LOC128462377: variants seen among roughly 807,000 people sequenced by gnomAD.
At chr16:89,362,015 T>C in the LOC128462377 span, among the ~76,000 whole-genome samples, 3 of 152,186 alleles carry the variant, frequency 2.0e-5, no homozygotes, top group African/African-American at 4.8e-5. Flanking sequence ...CCTGAATTTA[T>C]GGGAGGGGGC....
chr16:89,386,363 G>A, the LOC128462377 span, among the ~76,000 whole-genome samples: 76,715 of 151,648 alleles, frequency 0.51, 19,962 homozygotes, highest in Middle Eastern at 0.71. Context: ...AACGTTACTC[G>A]TGTGTCCAGG....
the LOC128462377 span, among the ~76,000 whole-genome samples, chr16:89,337,477 C>T: frequency 7.9e-6 from 1 of 126,690 alleles, no homozygotes; most frequent in Non-Finnish European, 1.6e-5. Flanking sequence ...CCCTCTGTCG[C>T]CCAGGCTGGA....
chr16:89,334,793 C>G, the LOC128462377 span, among the ~76,000 whole-genome samples: 2 of 152,162 alleles, frequency 1.3e-5, no homozygotes, highest in African/African-American at 4.8e-5. Context: ...ACGTGTCCAC[C>G]AGCAGAAGAG....
At chr16:89,380,288 T>C in the LOC128462377 span, among the ~76,000 whole-genome samples, 1 of 152,136 alleles carries the variant, frequency 6.6e-6, no homozygotes, top group Non-Finnish European at 1.5e-5. Context: ...AATTCTGTAT[T>C]TTTAGTAGAG....
the LOC128462377 span, among the ~76,000 whole-genome samples, chr16:89,338,382 A>G: frequency 6.6e-6 from 1 of 151,550 alleles, no homozygotes. Context: ...ATGGGTTTGA[A>G]AAGGGCCTGA....
chr16:89,409,878 C>T, the LOC128462377 span, among the ~76,000 whole-genome samples: 1 of 144,958 alleles, frequency 6.9e-6, no homozygotes, highest in African/African-American at 2.9e-5. Flanking sequence ...CTCGCTCTGT[C>T]GCCCAGGCTG....
chr16:89,401,884 G>A, the LOC128462377 span, among the ~76,000 whole-genome samples: 1 of 151,888 alleles, frequency 6.6e-6, no homozygotes, highest in Non-Finnish European at 1.5e-5. Context: ...AACCCGCCGG[G>A]CACACCAGAG....
chr16:89,347,236 C>G, the LOC128462377 span, among the ~76,000 whole-genome samples: 2 of 152,158 alleles, frequency 1.3e-5, no homozygotes, highest in Non-Finnish European at 2.9e-5. Flanking sequence ...GGCAGTGTAG[C>G]CTTGACAAGC....
the LOC128462377 span, among the ~76,000 whole-genome samples, chr16:89,387,236 A>T: frequency 2.6e-5 from 4 of 152,088 alleles, no homozygotes. Context: ...AGTTAAAAAA[A>T]AAAAAAGCAT....
At chr16:89,330,028 A>G in the LOC128462377 span, among the ~76,000 whole-genome samples, 1 of 151,320 alleles carries the variant, frequency 6.6e-6, no homozygotes, top group Non-Finnish European at 1.5e-5. Context: ...AATAAAATAA[A>G]ATGTAAAAAC....
At chr16:89,358,275 G>A in the LOC128462377 span, among the ~76,000 whole-genome samples, 1 of 152,242 alleles carries the variant, frequency 6.6e-6, no homozygotes, top group Non-Finnish European at 1.5e-5. Context: ...AAGACGTAGA[G>A]CACACAGGCG....
the LOC128462377 span, among the ~76,000 whole-genome samples, chr16:89,345,318 C>A: frequency 7.1e-6 from 1 of 141,554 alleles, no homozygotes; most frequent in Non-Finnish European, 1.5e-5. Context: ...AAGCACTCGA[C>A]CCCACAGAGC....
the LOC128462377 span, among the ~76,000 whole-genome samples, chr16:89,334,706 T>C: frequency 2.0e-5 from 3 of 152,054 alleles, no homozygotes; most frequent in African/African-American, 7.2e-5. Context: ...ACCCCAGGGA[T>C]GAGCAGCACA....
the LOC128462377 span, among the ~76,000 whole-genome samples, chr16:89,365,904 T>C: frequency 2.0e-5 from 3 of 152,022 alleles, no homozygotes; most frequent in African/African-American, 7.3e-5. Flanking sequence ...CTGGTCCCTC[T>C]CTGTGTCCAC....
the LOC128462377 span, among the ~76,000 whole-genome samples, chr16:89,342,237 C>T: frequency 6.6e-6 from 1 of 152,378 alleles, no homozygotes; most frequent in East Asian, 1.9e-4. Context: ...GGTCAACTGC[C>T]TGGGCAAAGG....
At chr16:89,353,277 G>A in the LOC128462377 span, among the ~76,000 whole-genome samples, 45 of 151,930 alleles carry the variant, frequency 3.0e-4, no homozygotes, top group African/African-American at 1.1e-3. Context: ...AGGAGGCGGA[G>A]GTTGCAGTGA....
chr16:89,402,704 G>A, the LOC128462377 span, among the ~76,000 whole-genome samples: 3 of 147,452 alleles, frequency 2.0e-5, no homozygotes, highest in Non-Finnish European at 3.0e-5. Context: ...GTGGCTCTGC[G>A]AGGTTAGGAG....
At chr16:89,387,922 A>C in the LOC128462377 span, among the ~76,000 whole-genome samples, 1 of 149,606 alleles carries the variant, frequency 6.7e-6, no homozygotes, top group East Asian at 2.0e-4. Context: ...AGGCAGGAGA[A>C]TCGCTTCTTG....
At chr16:89,403,076 C>T in the LOC128462377 span, among the ~76,000 whole-genome samples, 2 of 152,300 alleles carry the variant, frequency 1.3e-5, no homozygotes, top group African/African-American at 2.4e-5. Context: ...TGGCCTGGAA[C>T]GCTGCTGTCA....
Sources: allele counts gnomAD v4.1 joint callset (sites outside exome capture counted in the v4.1 genomes callset), GRCh38; gene constraint gnomAD v4.1.1; transcripts MANE v1.5.